The following DAP3 variants were observed in gnomAD, a reference collection of about 807,000 sequenced individuals.
DAP3 encodes small ribosomal subunit protein mS29.
Under a neutral mutation model 51.9 loss-of-function variants are expected in DAP3, and 28 were observed. The observed-to-expected ratio is 0.54, with a 90% CI of 0.40 to 0.74. The LOEUF is 0.74. Ranked by LOEUF, DAP3 falls within the 30% of genes least tolerant of loss-of-function variation. The pLI, the probability that DAP3 is intolerant of heterozygous loss-of-function variation, is 0.00. For missense variants in DAP3, 458 were observed against 483.5 expected (o/e 0.95, Z 0.49); for synonymous variants, 170 against 170.3 (o/e 1.00, Z 0.01).
At chr1:155,688,480 G>T, upstream of DAP3, 1 of 1,549,608 alleles carries the variant, frequency 6.5e-7, no homozygotes. Flanking sequence ...GCGCACGTCA[G>T]CCCGCACGCG....
At chr1:155,727,793 G>C (rs1658775651) in intron 7 of DAP3, 55 bp downstream of exon 7, 1 of 1,588,668 alleles carries the variant, frequency 6.3e-7, no homozygotes, top group Non-Finnish European at 8.6e-7. Flanking sequence ...GATTCTTTGT[G>C]CCCTGAGTAC....
rs375689451 is a variant in DAP3, at chr1:155,729,365, C to G, written c.842C>G (p.Pro281Arg). The change falls in exon 9 of 13, where the codon CCG becomes CGG. Residue 281 changes from proline (P) to arginine (R), a missense_variant and splice_region_variant. Transcript: ENST00000368336. ...RTTLKREDKS[P>R]IAPEELALVH... ...ACTCTGAAAAGAGAAGATAAAAGCC[C>G]GGTAGGAAAACTGGGTGTCTCTATC... The G allele has an allele frequency of 1.3e-5, 21 of 1,612,838 alleles. No individual in the cohort carries two copies. The African/African-American group carries it at 2.7e-4, about 21-fold the overall frequency.
intron 1 of DAP3, among the ~76,000 whole-genome samples, chr1:155,702,820 A>C (rs938239974): frequency 6.6e-6 from 1 of 152,036 alleles, no homozygotes; most frequent in Non-Finnish European, 1.5e-5. Context: ...AATACAAAAA[A>C]TTAGCCAGGC....
chr1:155,709,883 G>C, intron 2 of DAP3, 59 bp downstream of exon 2: 1 of 1,516,796 alleles, frequency 6.6e-7, no homozygotes, highest in Non-Finnish European at 9.1e-7. Context: ...CCAGATTCTT[G>C]TTTTCAGATG....
At chr1:155,712,248 T>A (rs1049204725) in intron 2 of DAP3, among the ~76,000 whole-genome samples, 1 of 152,198 alleles carries the variant, frequency 6.6e-6, no homozygotes, top group Non-Finnish European at 1.5e-5. Flanking sequence ...ATTGTACAGA[T>A]GGTTGTTTTC....
chr1:155,696,357 A>G (rs1374621443), intron 1 of DAP3, among the ~76,000 whole-genome samples: 1 of 152,068 alleles, frequency 6.6e-6, no homozygotes, highest in African/African-American at 2.4e-5. Context: ...GTAAGTTGCA[A>G]TCTCCCCTCA....
At chr1:155,731,300 A>G in intron 9 of DAP3, 56 bp from the exon 10 acceptor site, 2 of 1,507,594 alleles carry the variant, frequency 1.3e-6, no homozygotes. Context: ...TTGTTTCGGG[A>G]GAACATCTAG....
chr1:155,715,776 G>A (rs747927895), intron 2 of DAP3, among the ~76,000 whole-genome samples: 1 of 152,152 alleles, frequency 6.6e-6, no homozygotes, highest in East Asian at 1.9e-4. Flanking sequence ...TTTGTCTACC[G>A]AAATCCGCCC....
At chr1:155,709,513 A>G (rs190520355) in intron 1 of DAP3, among the ~76,000 whole-genome samples, 8 of 152,076 alleles carry the variant, frequency 5.3e-5, no homozygotes, top group Admixed American at 3.9e-4. Context: ...GGTTTTCATC[A>G]TTTTAATTAG....
chr1:155,738,972 A>AAAATAAATAAATAAATAAATAAATAAAT lies in DAP3; in HGVS notation c.*737_*764dup, dbSNP rs6143433. On this transcript the variant is annotated 3_prime_UTR_variant, in exon 13 of 13. Coordinates refer to ENST00000368336, the MANE Select transcript of DAP3 (RefSeq NM_004632.4). ...GGGCAGCAGAGCAAGACTCCGTCTCAAAATAAATAAATAAATAAATAAATA... is the reference window on the plus strand; with the variant it reads ...GGGCAGCAGAGCAAGACTCCGTCTCAAAATAAATAAATAAATAAATAAATAAATAAATAAATAAATAAATAAATAAATA... The AAAATAAATAAATAAATAAATAAATAAAT allele has an allele frequency of 4.8e-4, 69 of 144,506 alleles. No individual in the cohort carries two copies. In the East Asian group the frequency reaches 9.7e-3, roughly 20 times the overall value. 9.0% of individuals were successfully genotyped at this position (144,506 alleles called of 1,614,324 possible). A position where few individuals can be genotyped will look rare whatever the true frequency, so the allele number is the denominator to read the frequency against.
chr1:155,729,511 G>A (rs896013280), intron 9 of DAP3, 145 bp downstream of exon 9: 15 of 1,150,008 alleles, frequency 1.3e-5, no homozygotes, highest in Non-Finnish European at 1.6e-5. Context: ...TGGGTGCAGT[G>A]GCTCACGCCT....
At chr1:155,699,233 G>A (rs547088246) in intron 1 of DAP3, among the ~76,000 whole-genome samples, 63 of 152,290 alleles carry the variant, frequency 4.1e-4, no homozygotes, top group Non-Finnish European at 6.9e-4. Context: ...TAGCAGAGGC[G>A]GTTTAAGTGA....
At chr1:155,731,223 C>T (rs1462294078) in intron 9 of DAP3, 133 bp from the exon 10 acceptor site, 5 of 755,426 alleles carry the variant, frequency 6.6e-6, no homozygotes, top group East Asian at 5.8e-5. Context: ...GCCCAAATCG[C>T]GCCACTGCAC....
At chr1:155,703,093 A>G (rs187656573) in intron 1 of DAP3, among the ~76,000 whole-genome samples, 6 of 152,282 alleles carry the variant, frequency 3.9e-5, no homozygotes, top group African/African-American at 9.6e-5. Flanking sequence ...GAGGCCTCCA[A>G]ATTTGTTCCT....
intron 3 of DAP3, among the ~76,000 whole-genome samples, chr1:155,720,507 G>A (rs1657865792): frequency 6.6e-6 from 1 of 151,778 alleles, no homozygotes; most frequent in Non-Finnish European, 1.5e-5. Context: ...AATTAGCCAG[G>A]CATGGTGGCA....
At chr1:155,725,314 T>C in intron 4 of DAP3, 68 bp from the exon 5 acceptor site, 2 of 1,397,784 alleles carry the variant, frequency 1.4e-6, no homozygotes, top group South Asian at 2.3e-5. Flanking sequence ...TTAGGCAGAG[T>C]ATATATACCA....
chr1:155,714,178 TG>T (rs968735922), intron 2 of DAP3, among the ~76,000 whole-genome samples: 1 of 152,230 alleles, frequency 6.6e-6, no homozygotes, highest in Non-Finnish European at 1.5e-5. Flanking sequence ...TGGTCTAGAT[TG>T]TTATGCTAAG....
chr1:155,729,694 G>A (rs1222668646), intron 9 of DAP3, among the ~76,000 whole-genome samples: 2 of 152,152 alleles, frequency 1.3e-5, no homozygotes, highest in Non-Finnish European at 2.9e-5. Flanking sequence ...TGAGGCCAGA[G>A]GATCACTTGA....
At chr1:155,727,429 C>A in intron 6 of DAP3, 179 bp from the exon 7 acceptor site, 1 of 507,740 alleles carries the variant, frequency 2.0e-6, no homozygotes, top group Non-Finnish European at 3.0e-6. Context: ...GTGATCACAT[C>A]CTGCCTTCTA....
Sources: allele counts gnomAD v4.1 joint callset (sites outside exome capture counted in the v4.1 genomes callset), GRCh38; gene constraint gnomAD v4.1.1; transcripts MANE v1.5; gene names NCBI Gene and HGNC (gene_info 2026-07-23, HGNC 2026-07-21).